The following CTNNA3 variants were observed in gnomAD, a reference collection of about 807,000 sequenced individuals.
CTNNA3 encodes the protein catenin alpha 3, also known as catenin alpha-3.
CTNNA3 carries 76 observed loss-of-function variants against 95.7 expected under a neutral mutation model. The ratio of observed to expected loss-of-function variants is 0.79; its 90% CI spans 0.66 to 0.96. The LOEUF (loss-of-function observed/expected upper bound fraction) is 0.96. Ranked by LOEUF, CTNNA3 falls within the 40% of genes least tolerant of loss-of-function variation. The pLI, the probability that CTNNA3 is intolerant of heterozygous loss-of-function variation, is 0.00. For synonymous variants in CTNNA3, 431 were observed against 374.4 expected (o/e 1.15, Z -1.74); for missense variants, 1,191 against 1,089.8 (o/e 1.09, Z -1.31).
chr10:66,373,422 C>T (rs908743467), intron 12 of CTNNA3, among the ~76,000 whole-genome samples: 4 of 152,068 alleles, frequency 2.6e-5, no homozygotes, highest in African/African-American at 9.7e-5. Flanking sequence ...CACCTAAGGT[C>T]CCACACTCCT....
chr10:67,404,658 CCCTGA>C (rs142206869), intron 5 of CTNNA3, among the ~76,000 whole-genome samples: 2,099 of 152,186 alleles, frequency 0.014, 37 homozygotes, highest in African/African-American at 0.043. Context: ...AGGAGAACTT[CCCTGA>C]CCTACCTACA....
At chr10:67,585,181 G>T (rs529376749) in intron 3 of CTNNA3, among the ~76,000 whole-genome samples, 1 of 152,112 alleles carries the variant, frequency 6.6e-6, no homozygotes, top group African/African-American at 2.4e-5. Context: ...GTTCCTATTT[G>T]GCCATCTTGG....
chr10:67,536,593 A>G (rs1159074100), intron 4 of CTNNA3, among the ~76,000 whole-genome samples: 2 of 152,128 alleles, frequency 1.3e-5, no homozygotes, highest in African/African-American at 4.8e-5. Flanking sequence ...AAAAATTCCA[A>G]ACTGATATTT....
In CTNNA3 at chr10:67,647,519, C is replaced by CT. The variant is rs759539517; in HGVS notation, c.-5-2dup. 2.1e-5 allele frequency: 34 copies of CT among 1,611,598 alleles called. No homozygotes were observed. Among genetic ancestry groups the CT allele is most frequent in the Non-Finnish European group, 2.9e-5 (34 of 1,178,280 alleles). On this transcript the variant is annotated splice_acceptor_variant, in intron 1 of 17. Transcript: ENST00000433211. LOFTEE classifies it low-confidence loss of function (5UTR_SPLICE). ...ATTGGTGTTTCAGCTGACATGCTGC[C>CT]TGTGCACAAACACAAAAGGATGCTT...
At chr10:67,319,564 C>G (rs1841218551) in intron 5 of CTNNA3, among the ~76,000 whole-genome samples, 1 of 152,112 alleles carries the variant, frequency 6.6e-6, no homozygotes, top group Admixed American at 6.5e-5. Context: ...GTAAGGACTC[C>G]TTTCCAAGAT....
chr10:66,902,370 T>C (rs10466007), intron 7 of CTNNA3, among the ~76,000 whole-genome samples: 134,253 of 152,188 alleles, frequency 0.88, 59,436 homozygotes, highest in East Asian at 0.99. Context: ...TTTTGGGACA[T>C]ATTTAAAGCA....
chr10:66,022,888 T>C (rs2079250663), intron 15 of CTNNA3, among the ~76,000 whole-genome samples: 1 of 152,190 alleles, frequency 6.6e-6, no homozygotes, highest in African/African-American at 2.4e-5. Flanking sequence ...ATTTATCCTA[T>C]GCCATTCATT....
Position 67,143,425 on chromosome 10 carries a change from T to TAAAAAAAAAAAAAAAAAAAAAAAAAA in CTNNA3, c.1047+36891_1047+36892insTTTTTTTTTTTTTTTTTTTTTTTTTT, listed in dbSNP as rs61603392. Among the ~76,000 whole-genome samples, 161 of 75,910 alleles carry TAAAAAAAAAAAAAAAAAAAAAAAAAA rather than the reference T, an allele frequency of 2.1e-3. 22 individuals carry two copies. Among genetic ancestry groups the TAAAAAAAAAAAAAAAAAAAAAAAAAA allele is most frequent in the Non-Finnish European group, 3.1e-3 (116 of 37,998 alleles). The allele number at this position is 75,910 out of a possible 152,430, so 49.8% of individuals were successfully genotyped here. On this transcript the variant is annotated intron_variant, in intron 7 of 17. Transcript: ENST00000433211. ...TGGGTGACTGAGCAAGGCTCTGTCT[T>TAAAAAAAAAAAAAAAAAAAAAAAAAA]AAAAAAAAAAAAAAAAAAAAAATTA...
chr10:66,754,127 A>G (rs1203045190), intron 9 of CTNNA3, among the ~76,000 whole-genome samples: 2 of 152,232 alleles, frequency 1.3e-5, no homozygotes, highest in Non-Finnish European at 2.9e-5. Context: ...CTGGTTTTAA[A>G]TCTTACTACA....
chr10:66,438,032 AGAACAGC>A (rs1281304208), intron 11 of CTNNA3, among the ~76,000 whole-genome samples: 1 of 152,158 alleles, frequency 6.6e-6, no homozygotes, highest in African/African-American at 2.4e-5. Flanking sequence ...TGGAGGCTGC[AGAACAGC>A]AAAGAGTGCT....
intron 8 of CTNNA3, among the ~76,000 whole-genome samples, chr10:66,769,524 G>A (rs1287332693): frequency 1.3e-5 from 2 of 152,134 alleles, no homozygotes; most frequent in African/African-American, 4.8e-5. Context: ...ATCTATCTCT[G>A]ATTTCAGCTT....
intron 5 of CTNNA3, among the ~76,000 whole-genome samples, chr10:67,276,040 T>G (rs1839171706): frequency 6.6e-6 from 1 of 152,126 alleles, no homozygotes; most frequent in African/African-American, 2.4e-5. Context: ...TTCAGGAAAC[T>G]TTAAAAATGT....
chr10:65,939,276 C>T (rs1370510157), intron 17 of CTNNA3, among the ~76,000 whole-genome samples: 1 of 152,110 alleles, frequency 6.6e-6, no homozygotes, highest in Non-Finnish European at 1.5e-5. Flanking sequence ...ATAATTTTTT[C>T]CTAGTTACTT....
intron 7 of CTNNA3, among the ~76,000 whole-genome samples, chr10:66,961,755 C>T (rs1467369643): frequency 6.6e-6 from 1 of 152,080 alleles, no homozygotes; most frequent in African/African-American, 2.4e-5. Context: ...TCCTTGAGGA[C>T]ATTTCAAAGG....
In CTNNA3 at chr10:66,321,231, G is replaced by T. The variant is rs2092180517; in HGVS notation, c.1733-40610C>A. Among the ~76,000 whole-genome samples the T allele has an allele frequency of 2.6e-5, 4 of 152,012 alleles. No individual in the cohort carries two copies. In the South Asian group the frequency reaches 8.3e-4, roughly 32 times the overall value. ...TAAAATATAGATTTGAAAAAAAATA[G>T]TTATAACATGTTAGAAGAGCTTTCT... On this transcript the variant is annotated intron_variant, in intron 12 of 17. Coordinates refer to ENST00000433211, the MANE Select transcript of CTNNA3 (RefSeq NM_013266.4).
intron 7 of CTNNA3, among the ~76,000 whole-genome samples, chr10:66,947,912 A>G (rs1341245278): frequency 6.6e-6 from 1 of 152,184 alleles, no homozygotes; most frequent in African/African-American, 2.4e-5. Context: ...GAGTGTACTT[A>G]CATAAACCTA....
chr10:66,417,724 A>T (rs75653433), intron 11 of CTNNA3, among the ~76,000 whole-genome samples: 1 of 151,982 alleles, frequency 6.6e-6, no homozygotes, highest in African/African-American at 2.4e-5. Flanking sequence ...TACCAAAAAG[A>T]AACTTGGAAA....
intron 11 of CTNNA3, among the ~76,000 whole-genome samples, chr10:66,415,781 G>A (rs1456802840): frequency 6.6e-6 from 1 of 152,154 alleles, no homozygotes; most frequent in African/African-American, 2.4e-5. Flanking sequence ...ACTAATTCAT[G>A]TACCTAGAAT....
Position 67,103,078 on chromosome 10 carries a change from T to C in CTNNA3, c.1047+77239A>G, listed in dbSNP as rs1858432634. Among the ~76,000 whole-genome samples the C allele has an allele frequency of 2.0e-5, 3 of 151,940 alleles. No homozygotes were observed. In the South Asian group the frequency reaches 6.2e-4, roughly 31 times the overall value. ...TTGTGTCAATACTAGATTTACTGAA[T>C]CAGAACCACTGGGATGGATCCCAAA... is the stretch of plus-strand genomic sequence containing the variant. On this transcript the variant is annotated intron_variant, in intron 7 of 17. Coordinates refer to ENST00000433211, the MANE Select transcript of CTNNA3 (RefSeq NM_013266.4).
Sources: gnomAD v4.1 joint callset for allele counts (sites outside exome capture counted in the v4.1 genomes callset) on GRCh38, gnomAD v4.1.1 for gene constraint, MANE v1.5 for transcripts, NCBI Gene and HGNC (gene_info 2026-07-23, HGNC 2026-07-21) for gene names.